Variants in BEND7 observed in about 807,000 individuals in gnomAD.
BEND7 encodes the protein BEN domain containing 7, also known as BEN domain-containing protein 7.
Under a neutral mutation model 50.9 loss-of-function variants are expected in BEND7, and 28 were observed. The ratio of observed to expected loss-of-function variants is 0.55; its 90% confidence interval spans 0.41 to 0.75. The LOEUF is 0.75. Among genes scored for constraint, BEND7 ranks in the 30% least tolerant of loss-of-function variants. The pLI, the probability that BEND7 is intolerant of heterozygous loss-of-function variation, is 0.00. For missense variants in BEND7, 477 were observed against 491.3 expected (o/e 0.97, Z 0.28); for synonymous variants, 170 against 183.9 (o/e 0.92, Z 0.61).
chr10:13,512,868 C>A (rs2078375136), intron 2 of BEND7, among the ~76,000 whole-genome samples: 1 of 152,164 alleles, frequency 6.6e-6, no homozygotes, highest in African/African-American at 2.4e-5. Flanking sequence ...AACTTGGGCC[C>A]CAAGGGACCT....
Position 13,441,563 on chromosome 10 carries a change from A to T in BEND7, c.*180T>A, listed in dbSNP as rs1251719785. The T allele has an allele frequency of 2.8e-6, 4 of 1,445,420 alleles. No individual in the cohort carries two copies. The highest frequency in any genetic ancestry group is 3.6e-6 in the Non-Finnish European group (4 of 1,099,640). The allele number at this position is 1,445,420 out of a possible 1,614,324, so 89.5% of individuals were successfully genotyped here. A position where few individuals can be genotyped will look rare whatever the true frequency, so the allele number is the denominator to read the frequency against. On this transcript the variant is annotated 3_prime_UTR_variant, in exon 9 of 9. Coordinates refer to ENST00000466271, the MANE Select transcript of BEND7 (RefSeq NM_001369863.1). ...TTCCCAGCAGATCTCTTAACAGACC[A>T]CAGTTGGAAGTTAGCGTTTCTGCCT...
chr10:13,515,892 A>C (rs569808436), intron 2 of BEND7, among the ~76,000 whole-genome samples: 5 of 152,192 alleles, frequency 3.3e-5, no homozygotes, highest in Admixed American at 3.3e-4. Context: ...TGACGGACAC[A>C]ATGGTGTAGA....
chr10:13,448,161 A>G (rs1432455359), intron 7 of BEND7, among the ~76,000 whole-genome samples: 1 of 152,218 alleles, frequency 6.6e-6, no homozygotes, highest in Non-Finnish European at 1.5e-5. Context: ...AAATGTATCC[A>G]TCTCCTTGGG....
intron 6 of BEND7, among the ~76,000 whole-genome samples, chr10:13,478,396 T>G (rs1048951594): frequency 6.6e-6 from 1 of 152,190 alleles, no homozygotes; most frequent in African/African-American, 2.4e-5. Context: ...TTTCTTAAGG[T>G]AGCATCTCCT....
At position 13,500,061 on chromosome 10, in the gene BEND7, T is replaced by C. The variant is rs201375164; in HGVS notation, c.165A>G (p.Ile55Met). The change falls in exon 3 of 9, where the codon ATA becomes ATG. Residue 55 changes from isoleucine (I) to methionine (M), a missense_variant. Transcript: ENST00000466271. ...PIFLGDESME[I>M]KKQITGMRRL... ...TTCTCATCCCTGTAATTTGCTTTTT[T>C]ATTTCCATGCTTTCATCTCCTAATG... The C allele has an allele frequency of 1.9e-6, 3 of 1,595,986 alleles. No individual in the cohort carries two copies. The highest frequency in any genetic ancestry group is 3.4e-5 in the Admixed American group (2 of 59,058).
intron 3 of BEND7, 114 bp downstream of exon 3, chr10:13,499,664 A>G (rs1397143238): frequency 8.0e-7 from 1 of 1,254,466 alleles, no homozygotes; most frequent in Non-Finnish European, 1.1e-6. Flanking sequence ...TAACTCAGCA[A>G]AGGCAGGTAA....
At position 13,492,999 on chromosome 10, in the gene BEND7, C is replaced by T. The variant is rs928636476; in HGVS notation, c.572-123G>A. On this transcript the variant is annotated intron_variant, in intron 4 of 8. Coordinates refer to ENST00000466271, the MANE Select transcript of BEND7 (RefSeq NM_001369863.1). ...ACGAGGAAAACTCCAGGATGAAGCACACTAAATAAATCTCCAACTGGACCT... is the reference window on the plus strand; with the variant it reads ...ACGAGGAAAACTCCAGGATGAAGCATACTAAATAAATCTCCAACTGGACCT... The T allele has an allele frequency of 5.1e-6, 6 of 1,185,162 alleles. No homozygotes were observed. In the African/African-American group the frequency reaches 7.8e-5, roughly 15 times the overall value. The allele number at this position is 1,185,162 out of a possible 1,614,324, so 73.4% of individuals were successfully genotyped here.
intron 6 of BEND7, 63 bp downstream of exon 6, chr10:13,480,836 A>G: frequency 6.3e-7 from 1 of 1,598,458 alleles, no homozygotes; most frequent in Non-Finnish European, 8.5e-7. Flanking sequence ...TTTCAGCTGC[A>G]TCGTTACGGA....
At chr10:13,440,356 G>A (rs1025302749), downstream of BEND7, among the ~76,000 whole-genome samples, 1 of 152,230 alleles carries the variant, frequency 6.6e-6, no homozygotes, top group South Asian at 2.1e-4. Context: ...CAGCTTCAGA[G>A]CAGCGCGGAC....
intron 7 of BEND7, among the ~76,000 whole-genome samples, chr10:13,450,305 G>T (rs1388052545): frequency 6.6e-6 from 1 of 152,202 alleles, no homozygotes; most frequent in Non-Finnish European, 1.5e-5. Context: ...GGTGGAAATT[G>T]TGCAATCTCT....
intron 8 of BEND7, 132 bp downstream of exon 8, chr10:13,447,134 G>A (rs1035278186): frequency 3.7e-5 from 32 of 861,240 alleles, no homozygotes; most frequent in East Asian, 1.0e-4. Context: ...CTCCAATGAC[G>A]GGGCCTGGTC....
intron 6 of BEND7, among the ~76,000 whole-genome samples, chr10:13,456,722 A>G: frequency 6.6e-6 from 1 of 152,214 alleles, no homozygotes; most frequent in East Asian, 1.9e-4. Context: ...TCTCCCTCAA[A>G]GCACCTACTA....
chr10:13,481,029 C>T lies in BEND7; in HGVS notation c.933G>A (p.Leu311=), dbSNP rs1266981260. Residue 311 remains leucine (L), a synonymous_variant, in exon 6 of 9, where the codon CTG becomes CTA. Coordinates refer to ENST00000466271, the MANE Select transcript of BEND7 (RefSeq NM_001369863.1). ...AAAACGCACACACCAGTTTTCTAAA[C>T]AGAAGGCTTCCTGAGCGAGTGTAGT... ...LSNYTRSGSL[L]FRKLVCAFFD... 1 of 1,614,162 alleles carries T rather than the reference C, an allele frequency of 6.2e-7. No individual in the cohort carries two copies. The highest frequency in any genetic ancestry group is 8.5e-7 in the Non-Finnish European group (1 of 1,180,034).
chr10:13,457,339 G>A (rs931461829), intron 6 of BEND7, among the ~76,000 whole-genome samples: 25 of 152,166 alleles, frequency 1.6e-4, no homozygotes, highest in African/African-American at 5.6e-4. Flanking sequence ...GTCCAACCTT[G>A]AGCTCAAATA....
chr10:13,514,534 C>T lies in BEND7; in HGVS notation c.145+11604G>A, dbSNP rs575743934. Among the ~76,000 whole-genome samples the T allele has an allele frequency of 1.8e-4, 28 of 152,228 alleles. No individual in the cohort carries two copies. In the South Asian group the frequency reaches 4.1e-3, roughly 23 times the overall value. On this transcript the variant is annotated intron_variant, in intron 2 of 8. Transcript: ENST00000466271. ...GTGGGAAATTCAGTTGCCCCTGCCTCGACAAATGGGAAGACAAAGCTGCCT... is the reference window on the plus strand; with the variant it reads ...GTGGGAAATTCAGTTGCCCCTGCCTTGACAAATGGGAAGACAAAGCTGCCT...
At chr10:13,473,967 C>CG (rs2075177943) in intron 6 of BEND7, among the ~76,000 whole-genome samples, 1 of 151,514 alleles carries the variant, frequency 6.6e-6, no homozygotes. Context: ...GACTCGGGGC[C>CG]AATACTTGTC....
At chr10:13,465,545 C>A (rs1412108073) in intron 6 of BEND7, among the ~76,000 whole-genome samples, 1 of 152,076 alleles carries the variant, frequency 6.6e-6, no homozygotes, top group Non-Finnish European at 1.5e-5. Flanking sequence ...ATGAAAAGGG[C>A]CCTAGATATC....
intron 2 of BEND7, among the ~76,000 whole-genome samples, chr10:13,504,764 C>T (rs141163194): frequency 2.2e-4 from 34 of 152,334 alleles, no homozygotes; most frequent in African/African-American, 7.9e-4. Flanking sequence ...GGATCCATGC[C>T]ACGTGACTAC....
chr10:13,525,467 T>C (rs1258970874), intron 2 of BEND7, among the ~76,000 whole-genome samples: 2 of 152,174 alleles, frequency 1.3e-5, no homozygotes, highest in Non-Finnish European at 2.9e-5. Context: ...GGAACAAGGA[T>C]GGTAAGAGGA....
Sources: allele counts gnomAD v4.1 joint callset (sites outside exome capture counted in the v4.1 genomes callset), GRCh38; gene constraint gnomAD v4.1.1; transcripts MANE v1.5; gene names NCBI Gene and HGNC (gene_info 2026-07-23, HGNC 2026-07-21).